The following CREM variants were observed in gnomAD, a reference collection of about 807,000 sequenced individuals.
CREM encodes cAMP responsive element modulator.
A neutral mutation model predicts 37.3 loss-of-function variants in CREM; 13 were observed. The ratio of observed to expected loss-of-function variants is 0.35; its 90% CI spans 0.23 to 0.55. CREM has a LOEUF of 0.55. Ranked by LOEUF, CREM falls within the 20% of genes least tolerant of loss-of-function variation. CREM has a pLI of 0.88. For missense variants in CREM, 296 were observed against 362.3 expected (o/e 0.82, Z 1.49); for synonymous variants, 124 against 120.2 (o/e 1.03, Z -0.21).
rs1437650739 is a variant in CREM at position 35,155,293 on chromosome 10, A to T, written c.168+6802A>T. 5.9e-5 allele frequency among the ~76,000 whole-genome samples: 9 copies of T among 152,316 alleles called. No individual in the cohort carries two copies. In the East Asian group the frequency reaches 1.3e-3, roughly 23 times the overall value. On this transcript the variant is annotated intron_variant, in intron 3 of 7. Coordinates refer to ENST00000685392, the MANE Select transcript of CREM (RefSeq NM_183011.2). ...AGCAGTAATGAAAAAATAACTGAGT[A>T]TAAATACAGTTACTCCTTTTGCCTT...
intron 2 of CREM, among the ~76,000 whole-genome samples, chr10:35,144,461 A>C (rs2091834292): frequency 6.6e-6 from 1 of 152,116 alleles, no homozygotes; most frequent in Admixed American, 6.6e-5. Flanking sequence ...AGTAGGAGGG[A>C]GGTGTGTGTA....
At chr10:35,192,241 A>G (rs78045470) in intron 6 of CREM, among the ~76,000 whole-genome samples, 23,054 of 152,254 alleles carry the variant, frequency 0.15, 1,986 homozygotes, top group East Asian at 0.24. Context: ...AAGTTCAGCT[A>G]AACTCTTCAT....
intron 3 of CREM, among the ~76,000 whole-genome samples, chr10:35,165,628 G>A (rs558727874): frequency 1.6e-4 from 25 of 151,906 alleles, no homozygotes; most frequent in Middle Eastern, 3.4e-3. Flanking sequence ...AACCAAATAC[G>A]AGATTGGCTT....
chr10:35,204,142 C>T (rs2095459764), intron 6 of CREM, among the ~76,000 whole-genome samples: 1 of 152,200 alleles, frequency 6.6e-6, no homozygotes, highest in Non-Finnish European at 1.5e-5. Flanking sequence ...ATATGTTAAA[C>T]AATCTATTAA....
intron 3 of CREM, chr10:35,167,561 A>G (rs778389369): frequency 3.1e-6 from 2 of 650,156 alleles, no homozygotes; most frequent in African/African-American, 1.8e-5. Flanking sequence ...GAGCTAGTCC[A>G]CTAGGTGCTA....
intron 3 of CREM, among the ~76,000 whole-genome samples, chr10:35,150,956 TTGGAATTGAATAGGAGACCAG>T (rs2092559367): frequency 6.6e-6 from 1 of 151,872 alleles, no homozygotes; most frequent in Non-Finnish European, 1.5e-5. Flanking sequence ...TTCTGAGGGC[TTGGAATTGAATAGGAGACCAG>T]TGGACAGAAA....
intron 2 of CREM, among the ~76,000 whole-genome samples, chr10:35,144,357 CT>C (rs1317406169): frequency 6.6e-6 from 1 of 152,068 alleles, no homozygotes; most frequent in East Asian, 1.9e-4. Context: ...ACGATTCTAG[CT>C]TTGGAGCCTG....
intron 3 of CREM, among the ~76,000 whole-genome samples, chr10:35,156,032 C>T (rs189377797): frequency 2.6e-5 from 4 of 151,078 alleles, no homozygotes; most frequent in African/African-American, 7.3e-5. Context: ...GTCCACCTCC[C>T]GGGTTCACAC....
chr10:35,180,680 G>A (rs909535561), intron 5 of CREM, among the ~76,000 whole-genome samples: 62 of 152,166 alleles, frequency 4.1e-4, no homozygotes, highest in African/African-American at 1.2e-3. Context: ...TACTTCTCTC[G>A]TTTACATGCT....
chr10:35,202,754 A>T (rs769333534), intron 6 of CREM, among the ~76,000 whole-genome samples: 8 of 152,144 alleles, frequency 5.3e-5, no homozygotes, highest in Non-Finnish European at 8.8e-5. Context: ...GATTTTATTG[A>T]GGGAAGTAAA....
At position 35,211,598 on chromosome 10, in the gene CREM, G is replaced by T. The variant is rs1175553431; in HGVS notation, c.*200G>T. On this transcript the variant is annotated 3_prime_UTR_variant, in exon 8 of 8. Transcript: ENST00000685392. Reference sequence around the variant, plus strand: ...ACACTTACCGAGCTTACTTTGATCTGTTTGTCAATAGCATGCAAAAAATGC... The same window carrying T: ...ACACTTACCGAGCTTACTTTGATCTTTTTGTCAATAGCATGCAAAAAATGC... 2 of 1,587,438 alleles carry T rather than the reference G, an allele frequency of 1.3e-6. No homozygotes were observed. The highest frequency in any genetic ancestry group is 8.6e-7 in the Non-Finnish European group (1 of 1,166,936).
At chr10:35,196,439 G>A (rs1019264562) in intron 6 of CREM, 1 of 257,908 alleles carries the variant, frequency 3.9e-6, no homozygotes, top group African/African-American at 2.2e-5. Flanking sequence ...TACTGAATTT[G>A]CAGTTGAATT....
intron 1 of CREM, among the ~76,000 whole-genome samples, chr10:35,134,694 TATTTTAAATATC>T (rs1295477702): frequency 3.3e-5 from 5 of 152,194 alleles, no homozygotes; most frequent in African/African-American, 4.8e-5. Context: ...ATAATCAACA[TATTTTAAATATC>T]ATTTGTATAG....
At chr10:35,142,868 A>G (rs1344032465) in intron 2 of CREM, among the ~76,000 whole-genome samples, 1 of 152,168 alleles carries the variant, frequency 6.6e-6, no homozygotes, top group African/African-American at 2.4e-5. Flanking sequence ...TTGGCCCCCC[A>G]GAGTGTTGGG....
intron 3 of CREM, 57 bp from the exon 4 acceptor site, chr10:35,178,832 G>C (rs1308531795): frequency 7.0e-7 from 1 of 1,420,146 alleles, no homozygotes; most frequent in Admixed American, 2.0e-5. Flanking sequence ...TCAATTTTTT[G>C]AATGAGGGAA....
At position 35,211,639 on chromosome 10, in the gene CREM, C is replaced by T; in HGVS notation, c.*241C>T. ...CAAAAAATGCTTTGTTTGCCCTTTGCTTCTGCTTTTTTTCAGGGAAGCTGC... is the reference window on the plus strand; with the variant it reads ...CAAAAAATGCTTTGTTTGCCCTTTGTTTCTGCTTTTTTTCAGGGAAGCTGC... On this transcript the variant is annotated 3_prime_UTR_variant, in exon 8 of 8. Transcript: ENST00000685392. 1.9e-6 allele frequency: 3 copies of T among 1,608,160 alleles called. No homozygotes were observed. Among genetic ancestry groups the T allele is most frequent in the African/African-American group, 1.3e-5 (1 of 74,610 alleles).
chr10:35,130,221 T>A (rs1445785886), intron 1 of CREM, among the ~76,000 whole-genome samples: 3 of 142,368 alleles, frequency 2.1e-5, no homozygotes, highest in African/African-American at 9.1e-5. Context: ...AAAAAAAAAT[T>A]TTTTTTGGAA....
At chr10:35,176,380 G>A (rs1436983674) in intron 3 of CREM, among the ~76,000 whole-genome samples, 1 of 151,228 alleles carries the variant, frequency 6.6e-6, no homozygotes. Flanking sequence ...AAAGATTATA[G>A]TGCTGATGCT....
intron 2 of CREM, among the ~76,000 whole-genome samples, chr10:35,147,122 C>T (rs1359199083): frequency 6.8e-6 from 1 of 146,712 alleles, no homozygotes; most frequent in African/African-American, 2.5e-5. Flanking sequence ...GCAATCTCGG[C>T]TCACTGCAAG....
Sources: gnomAD v4.1 joint callset for allele counts (sites outside exome capture counted in the v4.1 genomes callset) on GRCh38, gnomAD v4.1.1 for gene constraint, MANE v1.5 for transcripts, NCBI Gene and HGNC (gene_info 2026-07-23, HGNC 2026-07-21) for gene names.